GPC6: variants seen among roughly 807,000 people sequenced by gnomAD.
GPC6 encodes the protein glypican-6.
Under a neutral mutation model 55.2 loss-of-function variants are expected in GPC6, and 14 were observed. That is an observed-to-expected ratio of 0.25 (90% CI 0.17 to 0.40). The LOEUF is 0.40. Among genes scored for constraint, GPC6 ranks in the 10% least tolerant of loss-of-function variants. The pLI, the probability that GPC6 is intolerant of heterozygous loss-of-function variation, is 1.00. For missense variants in GPC6, 641 were observed against 708.5 expected (o/e 0.90, Z 1.08); for synonymous variants, 278 against 259.6 (o/e 1.07, Z -0.68).
At chr13:93,340,732 A>G (rs1321837148) in intron 1 of GPC6, among the ~76,000 whole-genome samples, 3 of 152,170 alleles carry the variant, frequency 2.0e-5, no homozygotes, top group Non-Finnish European at 4.4e-5. Context: ...CCTCATCATG[A>G]TACCCTTATG....
intron 4 of GPC6, among the ~76,000 whole-genome samples, chr13:94,062,796 G>C (rs1374795942): frequency 6.6e-6 from 1 of 152,096 alleles, no homozygotes; most frequent in Non-Finnish European, 1.5e-5. Context: ...TTCTTCTGTT[G>C]GTCAGAATCA....
intron 1 of GPC6, among the ~76,000 whole-genome samples, chr13:93,477,627 G>A (rs1009920956): frequency 9.2e-5 from 14 of 152,126 alleles, no homozygotes; most frequent in African/African-American, 3.4e-4. Context: ...CTTAAAAAAA[G>A]GAGGATGTAA....
chr13:93,995,017 G>A (rs1448280875), intron 3 of GPC6, among the ~76,000 whole-genome samples: 1 of 151,938 alleles, frequency 6.6e-6, no homozygotes, highest in African/African-American at 2.4e-5. Flanking sequence ...GTTTTTGCCT[G>A]ATTTCAGTTT....
At chr13:93,931,142 T>A (rs1277872622) in intron 3 of GPC6, among the ~76,000 whole-genome samples, 1 of 152,070 alleles carries the variant, frequency 6.6e-6, no homozygotes, top group Non-Finnish European at 1.5e-5. Context: ...GGATTACAAT[T>A]CAGTATGAGA....
At chr13:93,892,983 ATTTAAT>A (rs1161812487) in intron 3 of GPC6, among the ~76,000 whole-genome samples, 4 of 86,810 alleles carry the variant, frequency 4.6e-5, no homozygotes, top group African/African-American at 1.3e-4. Flanking sequence ...GTTAAAAAGC[ATTTAAT>A]GCATATTGTC....
intron 3 of GPC6, among the ~76,000 whole-genome samples, chr13:93,899,229 T>C (rs1876209753): frequency 6.6e-6 from 1 of 151,866 alleles, no homozygotes; most frequent in Non-Finnish European, 1.5e-5. Context: ...CAAAAAGCAC[T>C]TCATAGGATC....
chr13:93,930,275 G>GTTTTTTTTTTTTTTTTTTTTTT lies in GPC6; in HGVS notation c.712-97441_712-97440insTTTTTTTTTTTTTTTTTTTTTT, dbSNP rs35858695. 5.0e-4 allele frequency among the ~76,000 whole-genome samples: 62 copies of GTTTTTTTTTTTTTTTTTTTTTT among 123,838 alleles called. 1 individual carries two copies. Among genetic ancestry groups the GTTTTTTTTTTTTTTTTTTTTTT allele is most frequent in the African/African-American group, 1.7e-3 (52 of 31,300 alleles). The allele number at this position is 123,838 out of a possible 152,430, so 81.2% of individuals were successfully genotyped here. Reference sequence around the variant, plus strand: ...TTTTAAAGGTTATTGGAAACGAAAGGTTTTTTTTTTTTTGTAGACAGAGTC... The same window carrying GTTTTTTTTTTTTTTTTTTTTTT: ...TTTTAAAGGTTATTGGAAACGAAAGGTTTTTTTTTTTTTTTTTTTTTTTTTTTTTTTTTTTGTAGACAGAGTC... On this transcript the variant is annotated intron_variant, in intron 3 of 8. Coordinates refer to ENST00000377047, the MANE Select transcript of GPC6 (RefSeq NM_005708.5).
chr13:93,818,893 C>T (rs1488091913), intron 2 of GPC6: 4 of 152,130 alleles, frequency 2.6e-5, no homozygotes, highest in East Asian at 1.9e-4. Flanking sequence ...GCCCATGGAA[C>T]CACAATCATA....
At chr13:93,275,740 A>G (rs909022544) in intron 1 of GPC6, among the ~76,000 whole-genome samples, 1 of 152,158 alleles carries the variant, frequency 6.6e-6, no homozygotes, top group African/African-American at 2.4e-5. Context: ...ACACACCCTC[A>G]TGTCCTCATC....
intron 1 of GPC6, among the ~76,000 whole-genome samples, chr13:93,368,378 T>TTCTG (rs1881335176): frequency 9.1e-6 from 1 of 110,342 alleles, no homozygotes; most frequent in Non-Finnish European, 1.9e-5. Flanking sequence ...CCTTCCTTCC[T>TTCTG]TCCTTCCTTC....
chr13:93,384,352 T>C (rs2139208271), intron 1 of GPC6, among the ~76,000 whole-genome samples: 1 of 151,728 alleles, frequency 6.6e-6, no homozygotes, highest in African/African-American at 2.4e-5. Flanking sequence ...GTTTTAGATA[T>C]TTTTTTCATT....
chr13:94,373,694 C>G (rs1433907422), intron 6 of GPC6, among the ~76,000 whole-genome samples: 3 of 152,196 alleles, frequency 2.0e-5, no homozygotes, highest in South Asian at 2.1e-4. Context: ...CCAACATTCA[C>G]ATTCAGGAAA....
chr13:93,511,211 C>G (rs1375765721), intron 1 of GPC6, among the ~76,000 whole-genome samples: 1 of 150,592 alleles, frequency 6.6e-6, no homozygotes, highest in African/African-American at 2.4e-5. Context: ...TCCCTTTTGT[C>G]TCCTAGATTT....
At chr13:93,420,220 A>T (rs746077854) in intron 1 of GPC6, among the ~76,000 whole-genome samples, 5 of 152,160 alleles carry the variant, frequency 3.3e-5, no homozygotes, top group African/African-American at 1.2e-4. Context: ...TATCCACCCT[A>T]ATCAAAGTTA....
chr13:94,287,808 G>A (rs376041102), intron 5 of GPC6, among the ~76,000 whole-genome samples: 1 of 152,116 alleles, frequency 6.6e-6, no homozygotes, highest in Non-Finnish European at 1.5e-5. Flanking sequence ...TGAAAGGCAC[G>A]GTATCCCGTT....
intron 1 of GPC6, among the ~76,000 whole-genome samples, chr13:93,470,725 T>C (rs1879080276): frequency 6.6e-6 from 1 of 152,142 alleles, no homozygotes; most frequent in African/African-American, 2.4e-5. Context: ...TGTTATTTTT[T>C]CTTTAAATAT....
chr13:94,013,058 G>C (rs968557687), intron 3 of GPC6, among the ~76,000 whole-genome samples: 2 of 152,052 alleles, frequency 1.3e-5, no homozygotes, highest in African/African-American at 4.8e-5. Flanking sequence ...CCAAATAAAA[G>C]GCAAATCCTC....
At chr13:93,325,806 C>G (rs1309587908) in intron 1 of GPC6, among the ~76,000 whole-genome samples, 1 of 152,008 alleles carries the variant, frequency 6.6e-6, no homozygotes, top group Non-Finnish European at 1.5e-5. Context: ...ATGTATCCAT[C>G]TGGTAGTAAT....
At chr13:93,409,482 A>T (rs994288964) in intron 1 of GPC6, among the ~76,000 whole-genome samples, 9 of 152,108 alleles carry the variant, frequency 5.9e-5, no homozygotes, top group African/African-American at 2.2e-4. Context: ...CTTGATTCCC[A>T]TAACTGAAAA....
Sources: allele counts gnomAD v4.1 joint callset (sites outside exome capture counted in the v4.1 genomes callset), GRCh38; gene constraint gnomAD v4.1.1; transcripts MANE v1.5; gene names NCBI Gene and HGNC (gene_info 2026-07-23, HGNC 2026-07-21).